NPAS4: variants seen among roughly 807,000 people sequenced by gnomAD.
NPAS4 encodes the protein neuronal PAS domain protein 4.
NPAS4 carries 10 observed loss-of-function variants against 64.0 expected under a neutral mutation model. The observed-to-expected ratio is 0.16, with a 90% confidence interval of 0.10 to 0.26. The LOEUF (loss-of-function observed/expected upper bound fraction) is 0.26, where lower values mean the gene tolerates loss of function less well. NPAS4 is among the 10% of genes least tolerant of loss of function. NPAS4 has a pLI of 1.00. For missense variants in NPAS4, 886 were observed against 992.6 expected (o/e 0.89, Z 1.44); for synonymous variants, 441 against 411.7 (o/e 1.07, Z -0.86).
In NPAS4 at chr11:66,423,663, A is replaced by G; in HGVS notation, c.894A>G (p.Leu298=). The G allele has an allele frequency of 6.2e-7, 1 of 1,614,166 alleles. No individual in the cohort carries two copies. Among genetic ancestry groups the G allele is most frequent in the Non-Finnish European group, 8.5e-7 (1 of 1,180,028 alleles). ...TGGWAWIYCL[L]YSEGPEGPIT... The stretch of plus-strand genomic sequence containing the variant: ...GCTGGGCATGGATTTACTGCCTGTT[A>G]TACTCAGAAGGTCCAGAGGGACCCA... Residue 298 remains leucine (L), a synonymous_variant, in exon 6 of 8, where the codon TTA becomes TTG. Transcript: ENST00000311034.
chr11:66,413,580 T>C, the NPAS4 span, among the ~76,000 whole-genome samples: 1 of 152,236 alleles, frequency 6.6e-6, no homozygotes, highest in South Asian at 2.1e-4. Flanking sequence ...CCACTTTTGC[T>C]GCATGTCCCT....
chr11:66,425,181 T>A lies in NPAS4; in HGVS notation c.2291T>A (p.Phe764Tyr). ...GACCTGGCCACATATGAAACCGCCT[T>A]TGAGACAGGTGTCTCAGCATTCCCC... ...LEDLATYETA[F>Y]ETGVSAFPYD... Residue 764 changes from phenylalanine to tyrosine, a missense_variant, in exon 7 of 8, where the codon TTT becomes TAT. Around this residue, in one of 3 missense-constraint regions of NPAS4, gnomAD observed 28 missense variants for 57.0 expected, o/e 0.49. Transcript: ENST00000311034. The A allele has an allele frequency of 6.3e-7, 1 of 1,586,726 alleles. No homozygotes were observed. Among genetic ancestry groups the A allele is most frequent in the Non-Finnish European group, 8.5e-7 (1 of 1,170,488 alleles).
At chr11:66,414,247 C>A in the NPAS4 span, among the ~76,000 whole-genome samples, 1 of 152,098 alleles carries the variant, frequency 6.6e-6, no homozygotes, top group African/African-American at 2.4e-5. Context: ...GAGGAAAATC[C>A]GCCTCCTCCA....
In NPAS4 at chr11:66,422,692, G is replaced by T; in HGVS notation, c.449G>T (p.Arg150Leu). Reference sequence around the variant, plus strand: ...TATCTAGATCGCCTCTTCCGCTGCCGCTTCAACACCTCCAAGTCCCTCAGG... The same window carrying T: ...TATCTAGATCGCCTCTTCCGCTGCCTCTTCAACACCTCCAAGTCCCTCAGG... ...ALDTDRLFRC[R>L]FNTSKSLRRQ... The change falls in exon 4 of 8, where the codon CGC (arginine) becomes CTC (leucine). Residue 150 changes from arginine to leucine, a missense_variant. By Grantham distance (102) the Arg-to-Leu change is moderately radical (BLOSUM62 -2). Transcript: ENST00000311034. 1 of 1,613,780 alleles carries T rather than the reference G, an allele frequency of 6.2e-7. No individual in the cohort carries two copies. The highest frequency in any genetic ancestry group is 1.7e-5 in the Admixed American group (1 of 60,016).
upstream of NPAS4, among the ~76,000 whole-genome samples, chr11:66,419,701 G>A (rs998149992): frequency 6.6e-6 from 1 of 152,144 alleles, no homozygotes; most frequent in African/African-American, 2.4e-5. Context: ...GGTGTGTGGG[G>A]GGGTGGGGAT....
At position 66,424,042 on chromosome 11, in the gene NPAS4, C is replaced by G; in HGVS notation, c.1152C>G (p.Val384=). 1 of 1,614,158 alleles carries G rather than the reference C, an allele frequency of 6.2e-7. No homozygotes were observed. Among genetic ancestry groups the G allele is most frequent in the Non-Finnish European group, 8.5e-7 (1 of 1,180,004 alleles). ...CCAGTGCTCCTGAACTGAGTGTTGT[C>G]TCTGCATCAGAAGAGCTTCCCCGAC... The part of the protein sequence containing the change: ...SFPSAPELSV[V]SASEELPRPS... The change falls in exon 7 of 8, where the codon GTC becomes GTG. Residue 384 remains valine, a synonymous_variant. Transcript: ENST00000311034.
upstream of NPAS4, chr11:66,420,961 C>T (rs1226713307): frequency 1.3e-5 from 7 of 524,458 alleles, no homozygotes; most frequent in African/African-American, 1.9e-5. Context: ...TCCCGCTCTC[C>T]CGCCCCCCCG....
intron 5 of NPAS4, 138 bp downstream of exon 5, chr11:66,423,370 A>G: frequency 1.2e-6 from 1 of 802,810 alleles, no homozygotes; most frequent in Non-Finnish European, 2.1e-6. Context: ...TAGGGTGAAC[A>G]TGAAGGTGAG....
Position 66,422,131 on chromosome 11 carries a change from G to A in NPAS4, c.187G>A (p.Ala63Thr). The A allele has an allele frequency of 6.2e-7, 1 of 1,613,904 alleles. No individual in the cohort carries two copies. The highest frequency in any genetic ancestry group is 8.5e-7 in the Non-Finnish European group (1 of 1,180,016). ...GVFFAGGTPL[A>T]GPTGLLSAQE... ...TTCTCGCCCTACAGGCACTCCTCTG[G>A]CGGGCCCCACGGGGCTTCTCTCAGC... The change falls in exon 2 of 8, where the codon GCG becomes ACG. Residue 63 changes from alanine to threonine, a missense_variant. Transcript: ENST00000311034.
chr11:66,426,061 CGGG>C lies in NPAS4; in HGVS notation c.*73_*75del. On this transcript the variant is annotated 3_prime_UTR_variant, in exon 8 of 8. Transcript: ENST00000311034. The stretch of plus-strand genomic sequence containing the variant: ...GACGTGGAGCCGCTCTCCACCCCCC[CGGG>C]ACTGTTGGGGGGATTCTGAGGGCCA... 1 of 1,062,806 alleles carries C rather than the reference CGGG, an allele frequency of 9.4e-7. No homozygotes were observed. Among genetic ancestry groups the C allele is most frequent in the Non-Finnish European group, 1.4e-6 (1 of 710,228 alleles). The allele number at this position is 1,062,806 out of a possible 1,614,324, so 65.8% of individuals were successfully genotyped here. A position where few individuals can be genotyped will look rare whatever the true frequency, so the allele number is the denominator to read the frequency against.
At chr11:66,425,407 C>A in intron 7 of NPAS4, 137 bp downstream of exon 7, 1 of 508,378 alleles carries the variant, frequency 2.0e-6, no homozygotes, top group Non-Finnish European at 3.4e-6. Context: ...AAGAGAGTAG[C>A]AGTGGAGATA....
rs1462472871 is a variant in NPAS4, at chr11:66,423,630, G to C, written c.861G>C (p.Lys287Asn). Residue 287 changes from lysine (K) to asparagine (N), a missense_variant, in exon 6 of 8, where the codon AAG becomes AAC. Coordinates refer to ENST00000311034, the MANE Select transcript of NPAS4 (RefSeq NM_178864.4). ...AGATGGTGGTGAGGCTACAGGCCAA[G>C]ACTGGAGGCTGGGCATGGATTTACT... The part of the protein sequence containing the change: ...QAEMVVRLQA[K>N]TGGWAWIYCL... The C allele has an allele frequency of 6.2e-7, 1 of 1,614,174 alleles. No homozygotes were observed. The highest frequency in any genetic ancestry group is 1.7e-5 in the Admixed American group (1 of 60,028).
chr11:66,422,162 A>G lies in NPAS4; in HGVS notation c.218A>G (p.Glu73Gly). Residue 73 changes from glutamate to glycine, a missense_variant, in exon 2 of 8, where the codon GAG becomes GGG. By Grantham distance (98) the Glu-to-Gly change is moderately conservative. Coordinates refer to ENST00000311034, the MANE Select transcript of NPAS4 (RefSeq NM_178864.4). ...AGPTGLLSAQ[E>G]LEDIVAALPG... ...CCCACGGGGCTTCTCTCAGCTCAAG[A>G]GCTTGAGGACATCGTAGCGGCACTA... 3.7e-6 allele frequency: 6 copies of G among 1,613,952 alleles called. No homozygotes were observed. The highest frequency in any genetic ancestry group is 1.1e-5 in the South Asian group (1 of 91,074).
intron 5 of NPAS4, 97 bp from the exon 6 acceptor site, chr11:66,423,481 T>C: frequency 1.4e-6 from 2 of 1,437,720 alleles, no homozygotes; most frequent in Non-Finnish European, 1.9e-6. Flanking sequence ...AGAGAGGATG[T>C]CACGGCTATC....
At chr11:66,422,040 G>T in intron 1 of NPAS4, 80 bp from the exon 2 acceptor site, 1 of 1,317,770 alleles carries the variant, frequency 7.6e-7, no homozygotes, top group South Asian at 1.2e-5. Flanking sequence ...TGGATTCTCT[G>T]AAACTCAGAC....
rs1856833666 is a variant in NPAS4, at chr11:66,425,998, G to A, written c.*9G>A. On this transcript the variant is annotated 3_prime_UTR_variant, in exon 8 of 8. Coordinates refer to ENST00000311034, the MANE Select transcript of NPAS4 (RefSeq NM_178864.4). ...GGGAACCAACGTTTTGAATAAGTCT[G>A]TGACTTAACGTCGTCAAGTATGGCA... is the stretch of plus-strand genomic sequence containing the variant. The A allele has an allele frequency of 6.2e-7, 1 of 1,604,982 alleles. No homozygotes were observed. Among genetic ancestry groups the A allele is most frequent in the Non-Finnish European group, 8.5e-7 (1 of 1,171,956 alleles).
rs796117821 is a variant in NPAS4, at chr11:66,426,091, AG to A, written c.*107del. The A allele has an allele frequency of 1.4e-4, 83 of 610,128 alleles. 1 individual carries two copies. The East Asian group carries it at 2.8e-3, about 20-fold the overall frequency. The allele number at this position is 610,128 out of a possible 1,614,324, so 37.8% of individuals were successfully genotyped here. A position where few individuals can be genotyped will look rare whatever the true frequency, so the allele number is the denominator to read the frequency against. On this transcript the variant is annotated 3_prime_UTR_variant, in exon 8 of 8. Transcript: ENST00000311034. ...CTGTTGGGGGGATTCTGAGGGCCAGAGGGGGATATATATGATTCCCCAGGCC... is the reference window on the plus strand; with the variant it reads ...CTGTTGGGGGGATTCTGAGGGCCAGAGGGGATATATATGATTCCCCAGGCC...
At chr11:66,422,339 A>G in intron 2 of NPAS4, 68 bp downstream of exon 2, 1 of 1,546,308 alleles carries the variant, frequency 6.5e-7, no homozygotes, top group Non-Finnish European at 8.9e-7. Context: ...TCCACTCCTG[A>G]GGAACTGGGA....
the NPAS4 span, among the ~76,000 whole-genome samples, chr11:66,414,002 C>T: frequency 6.6e-6 from 1 of 152,166 alleles, no homozygotes; most frequent in Non-Finnish European, 1.5e-5. Context: ...TGCCTGAGCC[C>T]CTGCCCTGTG....
Sources: gnomAD v4.1 joint callset for allele counts (sites outside exome capture counted in the v4.1 genomes callset) on GRCh38, gnomAD v4.1.1 for gene constraint, gnomAD v4.1.1 regional missense constraint, MANE v1.5 for transcripts, NCBI Gene and HGNC (gene_info 2026-07-23, HGNC 2026-07-21) for gene names.